The following STARD9 variants were observed in gnomAD, a reference collection of about 807,000 sequenced individuals.
STARD9 encodes StAR related lipid transfer domain containing 9.
A neutral mutation model predicts 399.8 loss-of-function variants in STARD9; 346 were observed. That is an observed-to-expected ratio of 0.87 (90% CI 0.79 to 0.95). The LOEUF (loss-of-function observed/expected upper bound fraction) is 0.95. Ranked by LOEUF, STARD9 falls within the 40% of genes least tolerant of loss-of-function variation. The pLI is 0.00. For missense variants in STARD9, 5,832 were observed against 5,667.5 expected, an observed-to-expected ratio of 1.03 and a Z score of -0.93; for synonymous variants, 2,203 against 2,143.5, an observed-to-expected ratio of 1.03 and a Z score of -0.77.
chr15:42,707,516 C>A (rs1453045032), intron 26 of STARD9, among the ~76,000 whole-genome samples: 1 of 147,164 alleles, frequency 6.8e-6, no homozygotes, highest in Non-Finnish European at 1.5e-5. Context: ...GTCGCCAAGG[C>A]TGGAGTGCAG....
In STARD9 at chr15:42,682,027, T is replaced by TG. The variant is rs1461876249; in HGVS notation, c.2066-75dup. On this transcript the variant is annotated intron_variant, in intron 21 of 32. Transcript: ENST00000290607. ...CACTCCACACAGGTCCAGCCATGGC[T>TG]GGAGGTATCTGAGTCCAGGCAGCCA... 29 of 972,478 alleles carry TG rather than the reference T, an allele frequency of 3.0e-5. No homozygotes were observed. The Admixed American group carries it at 6.7e-4, about 23-fold the overall frequency. The allele number at this position is 972,478 out of a possible 1,614,324, so 60.2% of individuals were successfully genotyped here. A position where few individuals can be genotyped will look rare whatever the true frequency, so the allele number is the denominator to read the frequency against.
At position 42,575,721 on chromosome 15, in the gene STARD9, G is replaced by A; in HGVS notation, c.6G>A (p.Ala2=). The A allele has an allele frequency of 6.5e-7, 1 of 1,536,564 alleles. No homozygotes were observed. The highest frequency in any genetic ancestry group is 1.4e-5 in the African/African-American group (1 of 73,162). The change falls in exon 1 of 33, where the codon GCG becomes GCA. Residue 2 remains alanine, a synonymous_variant. Coordinates refer to ENST00000290607, the MANE Select transcript of STARD9 (RefSeq NM_020759.3). M[A]NVQVAVRVRP... ...ACTTGGGTTGTGGCAGACGGATGGC[G>A]AACGTGCAGGTCGCCGTGCGGGTCC...
chr15:42,706,548 T>C (rs1245357742), intron 26 of STARD9, among the ~76,000 whole-genome samples: 4 of 151,830 alleles, frequency 2.6e-5, no homozygotes, highest in African/African-American at 9.7e-5. Context: ...CCTCAATCTT[T>C]AAGCGATTCT....
chr15:42,691,225 G>C lies in STARD9; in HGVS notation c.9647G>C (p.Arg3216Thr). The change falls in exon 23 of 33, where the codon AGA becomes ACA. Residue 3216 changes from arginine to threonine, a missense_variant. By Grantham distance (71) the Arg-to-Thr change is moderately conservative (BLOSUM62 -1). Transcript: ENST00000290607. ...CCCTGGCAGGAAGAAGAGCAGCACA[G>C]AGACCAGGCTTCAGGTGGTGGAGAA... Reference protein sequence around the residue: ...DSPWQEEEQHRDQASGGGEGF... With the variant: ...DSPWQEEEQHTDQASGGGEGF... 5 of 1,537,274 alleles carry C rather than the reference G, an allele frequency of 3.3e-6. No individual in the cohort carries two copies. The highest frequency in any genetic ancestry group is 4.4e-6 in the Non-Finnish European group (5 of 1,146,904).
chr15:42,698,075 C>T (rs1295913544), intron 26 of STARD9, among the ~76,000 whole-genome samples: 1 of 152,188 alleles, frequency 6.6e-6, no homozygotes, highest in East Asian at 1.9e-4. Flanking sequence ...TTTGAATATG[C>T]AGAGAACTTT....
Position 42,684,618 on chromosome 15 carries a change from G to A in STARD9, c.3040G>A (p.Gly1014Arg), listed in dbSNP as rs1317913427. 6 of 1,537,056 alleles carry A rather than the reference G, an allele frequency of 3.9e-6. No homozygotes were observed. The highest frequency in any genetic ancestry group is 2.4e-5 in the East Asian group (1 of 40,906). The change falls in exon 23 of 33, where the codon GGA becomes AGA. Residue 1014 changes from glycine to arginine, a missense_variant. By Grantham distance (125) the Gly-to-Arg change is moderately radical. Around this residue, in one of 2 missense-constraint regions of STARD9, gnomAD observed 5,828 missense variants for 5,651.1 expected, o/e 1.03. Coordinates refer to ENST00000290607, the MANE Select transcript of STARD9 (RefSeq NM_020759.3). ...CAGTTGCAATTCCTTGTATCCTCAT[G>A]GACCCAGGCAGACTGCTGGGCACGG... ...GASCNSLYPH[G>R]PRQTAGHGKA...
chr15:42,602,180 C>T (rs532564296), intron 3 of STARD9, among the ~76,000 whole-genome samples: 21 of 152,302 alleles, frequency 1.4e-4, no homozygotes, highest in African/African-American at 5.1e-4. Flanking sequence ...TTTCCTACAC[C>T]AAAGGCAGGC....
intron 7 of STARD9, among the ~76,000 whole-genome samples, chr15:42,646,730 G>C (rs973460443): frequency 2.6e-5 from 4 of 152,218 alleles, no homozygotes; most frequent in Non-Finnish European, 4.4e-5. Context: ...TTTCCTTCAA[G>C]AACTTTTCCT....
In STARD9 at chr15:42,718,013, C is replaced by A; in HGVS notation, c.13596C>A (p.Tyr4532Ter). 1 of 1,537,212 alleles carries A rather than the reference C, an allele frequency of 6.5e-7. No individual in the cohort carries two copies. Among genetic ancestry groups the A allele is most frequent in the Non-Finnish European group, 8.7e-7 (1 of 1,146,910 alleles). ...AGGAGCAGGCGGTGCAGCTTTACTA[C>A]AAGGTGTTTTCTCCCACTCGGCATG... is the stretch of plus-strand genomic sequence containing the variant. ...QGEEQAVQLY[Y>*]KVFSPTRHGF... The change falls in exon 30 of 33, where the codon TAC becomes TAA. Residue 4532 changes from tyrosine (Y) to a stop codon, truncating the protein, a stop_gained. Transcript: ENST00000290607. LOFTEE classifies it high-confidence loss of function.
At chr15:42,714,850 C>CTT (rs1218451498) in intron 26 of STARD9, among the ~76,000 whole-genome samples, 6 of 146,716 alleles carry the variant, frequency 4.1e-5, no homozygotes, top group African/African-American at 1.2e-4. Flanking sequence ...CTGATGCAAT[C>CTT]TTTTTTTTTT....
chr15:42,583,201 G>C (rs1252622340), intron 1 of STARD9, 145 bp from the exon 2 acceptor site: 1 of 598,494 alleles, frequency 1.7e-6, no homozygotes, highest in Non-Finnish European at 2.9e-6. Flanking sequence ...TGCTTGATGC[G>C]ACGCTTATAG....
intron 13 of STARD9, among the ~76,000 whole-genome samples, chr15:42,664,793 C>T (rs1173055309): frequency 8.7e-6 from 1 of 115,532 alleles, no homozygotes; most frequent in African/African-American, 6.7e-5. Flanking sequence ...TCCTTTAACA[C>T]ACACACACAC....
At chr15:42,582,181 T>G (rs892188462) in intron 1 of STARD9, among the ~76,000 whole-genome samples, 3 of 152,144 alleles carry the variant, frequency 2.0e-5, no homozygotes, top group African/African-American at 7.2e-5. Flanking sequence ...GACCCCTGTC[T>G]CACTGTGTTT....
intron 3 of STARD9, among the ~76,000 whole-genome samples, chr15:42,608,367 C>T (rs1473947284): frequency 6.6e-6 from 1 of 152,118 alleles, no homozygotes; most frequent in Non-Finnish European, 1.5e-5. Context: ...TTCAACCAGA[C>T]CCTGGATTGC....
rs565824827 is a variant in STARD9 at position 42,715,715 on chromosome 15, G to A, written c.13285-962G>A. On this transcript the variant is annotated intron_variant, in intron 26 of 32. Transcript: ENST00000290607. ...GTAGAGATGGGGTTTCACCATGTTG[G>A]TCAGGCTGGTCTGGAGCTCCTGACC... is the stretch of plus-strand genomic sequence containing the variant. Among the ~76,000 whole-genome samples, 35 of 152,230 alleles carry A rather than the reference G, an allele frequency of 2.3e-4. No individual in the cohort carries two copies. The East Asian group carries it at 6.0e-3, about 26-fold the overall frequency.
intron 3 of STARD9, among the ~76,000 whole-genome samples, chr15:42,623,241 A>C (rs1038051832): frequency 4.6e-5 from 7 of 152,092 alleles, no homozygotes; most frequent in African/African-American, 1.7e-4. Flanking sequence ...AACAAGAGCG[A>C]AACTCTGTCT....
chr15:42,719,667 T>G lies in STARD9; in HGVS notation c.*93T>G. On this transcript the variant is annotated 3_prime_UTR_variant, in exon 33 of 33. Coordinates refer to ENST00000290607, the MANE Select transcript of STARD9 (RefSeq NM_020759.3). ...CTCCTTGTTACTTTCCATACCACAGTGCAGGAAAAGCTGATGCTACCTGCT... is the reference window on the plus strand; with the variant it reads ...CTCCTTGTTACTTTCCATACCACAGGGCAGGAAAAGCTGATGCTACCTGCT... 1.2e-6 allele frequency: 1 copy of G among 838,326 alleles called. No homozygotes were observed. The highest frequency in any genetic ancestry group is 1.9e-6 in the Non-Finnish European group (1 of 534,514). The allele number at this position is 838,326 out of a possible 1,614,324, so 51.9% of individuals were successfully genotyped here. A position where few individuals can be genotyped will look rare whatever the true frequency, so the allele number is the denominator to read the frequency against.
chr15:42,676,675 G>A (rs1195626306), intron 20 of STARD9, among the ~76,000 whole-genome samples: 1 of 152,140 alleles, frequency 6.6e-6, no homozygotes, highest in Non-Finnish European at 1.5e-5. Flanking sequence ...CAGAAGCCTT[G>A]CAGATTTGGT....
intron 26 of STARD9, among the ~76,000 whole-genome samples, chr15:42,697,967 T>C (rs2060879890): frequency 1.3e-5 from 2 of 152,172 alleles, no homozygotes; most frequent in African/African-American, 4.8e-5. Flanking sequence ...TCTTGGAAGG[T>C]ATCCTCCTAG....
Sources: allele counts gnomAD v4.1 joint callset (sites outside exome capture counted in the v4.1 genomes callset), GRCh38; gene constraint gnomAD v4.1.1; regional missense constraint gnomAD v4.1.1; transcripts MANE v1.5; gene names NCBI Gene and HGNC (gene_info 2026-07-23, HGNC 2026-07-21).